Variants in KCNK13 observed in about 807,000 individuals in gnomAD.
The protein encoded by KCNK13 is potassium two pore domain channel subfamily K member 13.
KCNK13 carries 12 observed loss-of-function variants against 23.4 expected under a neutral mutation model. The ratio of observed to expected loss-of-function variants is 0.51; its 90% CI spans 0.33 to 0.83. KCNK13 has a LOEUF of 0.83. Among genes scored for constraint, KCNK13 ranks in the 40% least tolerant of loss-of-function variants. KCNK13 has a pLI of 0.02. For synonymous variants in KCNK13, 231 were observed against 229.5 expected, an observed-to-expected ratio of 1.01 and a Z score of -0.06; for missense variants, 463 against 556.3, an observed-to-expected ratio of 0.83 and a Z score of 1.69.
At chr14:90,074,267 C>G (rs985819386) in intron 1 of KCNK13, among the ~76,000 whole-genome samples, 2 of 152,322 alleles carry the variant, frequency 1.3e-5, no homozygotes, top group Non-Finnish European at 2.9e-5. Context: ...CGCCTGGCCT[C>G]AAGTTTTTAT....
At chr14:90,066,747 T>C (rs1251008766) in intron 1 of KCNK13, among the ~76,000 whole-genome samples, 1 of 152,168 alleles carries the variant, frequency 6.6e-6, no homozygotes, top group Non-Finnish European at 1.5e-5. Context: ...AAAAACAGTT[T>C]GCCAGTTTCT....
At chr14:90,174,263 T>C (rs1026702054) in intron 1 of KCNK13, among the ~76,000 whole-genome samples, 5 of 152,048 alleles carry the variant, frequency 3.3e-5, no homozygotes, top group Non-Finnish European at 5.9e-5. Flanking sequence ...TGAGCCGAGA[T>C]TGTGCCACTG....
intron 1 of KCNK13, among the ~76,000 whole-genome samples, chr14:90,108,892 T>C (rs1186705048): frequency 2.0e-5 from 3 of 152,138 alleles, no homozygotes. Context: ...TAAGAATCCC[T>C]TGGGCCAGGC....
At chr14:90,176,847 C>T (rs1180319937) in intron 1 of KCNK13, among the ~76,000 whole-genome samples, 1 of 151,918 alleles carries the variant, frequency 6.6e-6, no homozygotes, top group Non-Finnish European at 1.5e-5. Context: ...TGGTGAAACC[C>T]TGTCCCTACT....
rs150808724 is a variant in KCNK13 at position 90,143,411 on chromosome 14, G to T, written c.335-40700G>T. 7.2e-5 allele frequency among the ~76,000 whole-genome samples: 11 copies of T among 151,844 alleles called. No homozygotes were observed. The East Asian group carries it at 2.1e-3, about 29-fold the overall frequency. On this transcript the variant is annotated intron_variant, in intron 1 of 1. Transcript: ENST00000282146. ...AACTCAGAATAATCCTTATGCCAAA[G>T]CAGCACATTTGGGAGTGGCATATTC...
chr14:90,068,061 C>A (rs1330639041), intron 1 of KCNK13, among the ~76,000 whole-genome samples: 1 of 152,136 alleles, frequency 6.6e-6, no homozygotes, highest in African/African-American at 2.4e-5. Context: ...TGTCTCTTGG[C>A]TCCTCTTCCT....
chr14:90,078,898 TCC>T (rs1721339522), intron 1 of KCNK13, among the ~76,000 whole-genome samples: 1 of 152,216 alleles, frequency 6.6e-6, no homozygotes, highest in Non-Finnish European at 1.5e-5. Flanking sequence ...CTTTCCCAAG[TCC>T]ACACAGCTGT....
Position 90,084,914 on chromosome 14 carries a change from T to G in KCNK13, c.334+22375T>G, listed in dbSNP as rs559565651. ...TTTTTATGCTATTTATATAATGTTT[T>G]GCATTGATTTTTGTTTTTTATTATT... On this transcript the variant is annotated intron_variant, in intron 1 of 1. Coordinates refer to ENST00000282146, the MANE Select transcript of KCNK13 (RefSeq NM_022054.4). Among the ~76,000 whole-genome samples the G allele has an allele frequency of 2.1e-4, 32 of 152,256 alleles. 1 individual carries two copies. Among genetic ancestry groups the G allele is most frequent in the Non-Finnish European group, 3.4e-4 (23 of 68,028 alleles).
At chr14:90,106,847 C>A (rs1889549501) in intron 1 of KCNK13, among the ~76,000 whole-genome samples, 1 of 151,818 alleles carries the variant, frequency 6.6e-6, no homozygotes, top group Non-Finnish European at 1.5e-5. Context: ...CATGGCGAAA[C>A]CCCGTCTCTA....
At chr14:90,097,509 GCCCCACCTTC>G (rs370223207) in intron 1 of KCNK13, among the ~76,000 whole-genome samples, 106 of 152,130 alleles carry the variant, frequency 7.0e-4, no homozygotes, top group African/African-American at 2.4e-3. Flanking sequence ...TTCCCTCTAG[GCCCCACCTTC>G]CACCACCACC....
rs144776246 is a variant in KCNK13, at chr14:90,064,412, T to C, written c.334+1873T>C. ...GCATCCATGTAGCAGGAACTGAGAG[T>C]GGCATGGGTAGGTGGCCATATAGGA... On this transcript the variant is annotated intron_variant, in intron 1 of 1. Coordinates refer to ENST00000282146, the MANE Select transcript of KCNK13 (RefSeq NM_022054.4). Among the ~76,000 whole-genome samples, 551 of 151,864 alleles carry C rather than the reference T, an allele frequency of 3.6e-3. 3 individuals carry two copies. Among genetic ancestry groups the C allele is most frequent in the African/African-American group, 0.013 (542 of 41,392 alleles).
intron 1 of KCNK13, among the ~76,000 whole-genome samples, chr14:90,109,108 C>T (rs1027939893): frequency 2.0e-5 from 3 of 150,760 alleles, no homozygotes; most frequent in East Asian, 4.0e-4. Context: ...ACCCGGGAGG[C>T]GGAGCTTGCA....
At chr14:90,166,233 T>C (rs1890300856) in intron 1 of KCNK13, among the ~76,000 whole-genome samples, 1 of 152,200 alleles carries the variant, frequency 6.6e-6, no homozygotes, top group Non-Finnish European at 1.5e-5. Flanking sequence ...CCTAAAAATA[T>C]CAAATTCCAA....
At chr14:90,068,712 TTG>T (rs1889037345) in intron 1 of KCNK13, among the ~76,000 whole-genome samples, 2 of 152,172 alleles carry the variant, frequency 1.3e-5, no homozygotes, top group Non-Finnish European at 2.9e-5. Context: ...ACATTCAAGT[TTG>T]AGAAATCTGG....
At chr14:90,085,725 TAA>T (rs921134606) in intron 1 of KCNK13, among the ~76,000 whole-genome samples, 2 of 139,196 alleles carry the variant, frequency 1.4e-5, no homozygotes, top group African/African-American at 2.7e-5. Flanking sequence ...TACTTATATA[TAA>T]TATATATATA....
At chr14:90,088,813 T>G (rs1889311249) in intron 1 of KCNK13, among the ~76,000 whole-genome samples, 1 of 152,210 alleles carries the variant, frequency 6.6e-6, no homozygotes, top group South Asian at 2.1e-4. Context: ...GGGTTGAGTC[T>G]TTCCTGTGCT....
At chr14:90,148,268 T>C (rs11849305) in intron 1 of KCNK13, among the ~76,000 whole-genome samples, 9,892 of 152,246 alleles carry the variant, frequency 0.065, 418 homozygotes, top group South Asian at 0.21. Flanking sequence ...AGCACCACAC[T>C]ATTAATCCTA....
chr14:90,172,892 G>A (rs1222261570), intron 1 of KCNK13, among the ~76,000 whole-genome samples: 1 of 152,182 alleles, frequency 6.6e-6, no homozygotes, highest in Non-Finnish European at 1.5e-5. Flanking sequence ...TGTTGTGAAA[G>A]ATAAAAGGCT....
At chr14:90,149,523 C>T (rs186451052) in intron 1 of KCNK13, among the ~76,000 whole-genome samples, 7 of 152,288 alleles carry the variant, frequency 4.6e-5, no homozygotes, top group South Asian at 4.1e-4. Flanking sequence ...CATCAGATCT[C>T]GTGAGATTCA....
Sources: allele counts gnomAD v4.1 joint callset (sites outside exome capture counted in the v4.1 genomes callset), GRCh38; gene constraint gnomAD v4.1.1; transcripts MANE v1.5; gene names NCBI Gene and HGNC (gene_info 2026-07-23, HGNC 2026-07-21).